SART1: variants seen among roughly 807,000 people sequenced by gnomAD.
SART1 encodes U4/U6.U5 tri-snRNP-associated protein 1.
In SART1, 28 loss-of-function variants were observed where a neutral mutation model predicts 105.0. The observed-to-expected ratio is 0.27, with a 90% CI of 0.20 to 0.37. The LOEUF (loss-of-function observed/expected upper bound fraction) is 0.37, where lower values mean the gene tolerates loss of function less well. Among genes scored for constraint, SART1 ranks in the 10% least tolerant of loss-of-function variants. The pLI, the probability that SART1 is intolerant of heterozygous loss-of-function variation, is 1.00. For synonymous variants in SART1, 472 were observed against 462.9 expected (o/e 1.02, Z -0.25); for missense variants, 894 against 1,106.5 (o/e 0.81, Z 2.72).
rs1855521645 is a variant in SART1, at chr11:65,978,141, C to T, written c.2172+242C>T. The T allele has an allele frequency of 1.8e-6, 1 of 566,570 alleles. No individual in the cohort carries two copies. The highest frequency in any genetic ancestry group is 3.1e-5 in the Admixed American group (1 of 32,524). The allele number at this position is 566,570 out of a possible 1,614,324, so 35.1% of individuals were successfully genotyped here. ...GCCTGGCAGGAGGGTCAGACAGGCA[C>T]TCGGGACCTCTGCCCTCCTGTCCTC... On this transcript the variant is annotated intron_variant, in intron 17 of 19. Transcript: ENST00000312397. This position sits in a 1 kb window ranked among gnomAD's most constrained non-coding sequence, Gnocchi z 6.8.
In SART1 at chr11:65,977,153, G is replaced by A. The variant is rs764778388; in HGVS notation, c.1945+52G>A. The A allele has an allele frequency of 3.7e-6, 5 of 1,369,670 alleles. No individual in the cohort carries two copies. The Admixed American group carries it at 6.8e-5, about 19-fold the overall frequency. The allele number at this position is 1,369,670 out of a possible 1,614,324, so 84.8% of individuals were successfully genotyped here. On this transcript the variant is annotated intron_variant, in intron 15 of 19. Transcript: ENST00000312397. ...TGGGTGGGCTTGGGTGCTGCTGCAG[G>A]TGCAGGCAGGGCCCCCTCCGGTCCC...
intron 1 of SART1, among the ~76,000 whole-genome samples, chr11:65,962,861 C>T (rs1855174963): frequency 6.6e-6 from 1 of 152,004 alleles, no homozygotes; most frequent in East Asian, 1.9e-4. Context: ...GAACTCAGCA[C>T]TTGTATGAGG....
Position 65,963,818 on chromosome 11 carries a change from G to C in SART1, c.314-256G>C, listed in dbSNP as rs1264772853. On this transcript the variant is annotated intron_variant, in intron 1 of 19. Coordinates refer to ENST00000312397, the MANE Select transcript of SART1 (RefSeq NM_005146.5). ...TTAAAAATGAAAGAAAAAAGTAGAG[G>C]GCAGAGTGGTGACTACAGCAGTTTG... Among the ~76,000 whole-genome samples, 4 of 152,186 alleles carry C rather than the reference G, an allele frequency of 2.6e-5. No homozygotes were observed. The East Asian group carries it at 7.7e-4, about 29-fold the overall frequency.
chr11:65,962,130 C>CGGGGGGGGGGGGGGGGGGGGGGG, intron 1 of SART1, 37 bp downstream of exon 1: 1 of 111,092 alleles, frequency 9.0e-6, no homozygotes, highest in Non-Finnish European at 1.6e-5. Flanking sequence ...GCGGGTCGGG[C>CGGGGGGGGGGGGGGGGGGGGGGG]GGGGGTCCCG....
chr11:65,963,078 C>T (rs527665511), intron 1 of SART1, among the ~76,000 whole-genome samples: 51 of 151,962 alleles, frequency 3.4e-4, no homozygotes, highest in Non-Finnish European at 6.0e-4. Flanking sequence ...CATTGGGAGT[C>T]AGTATCTGGG....
At chr11:65,968,098 C>T (rs991089637) in intron 12 of SART1, among the ~76,000 whole-genome samples, 46 of 152,092 alleles carry the variant, frequency 3.0e-4, no homozygotes, top group Middle Eastern at 6.8e-3. Context: ...TACAGGCGCA[C>T]GCCACCAGAC....
In SART1 at chr11:65,964,528, A is replaced by C; in HGVS notation, c.385A>C (p.Lys129Gln). ...TCTTGTTGTCAGCAAACTCCGGGCAAAGTTGGGGCTGAAACCCTTGGAGGT... is the reference window on the plus strand; with the variant it reads ...TCTTGTTGTCAGCAAACTCCGGGCACAGTTGGGGCTGAAACCCTTGGAGGT... ...SIEETNKLRAKLGLKPLEVNA... is the reference protein window; with the variant it reads ...SIEETNKLRAQLGLKPLEVNA... The change falls in exon 3 of 20, where the codon AAG becomes CAG. Residue 129 changes from lysine (K) to glutamine (Q), a missense_variant. This residue lies in a region of SART1 where 712 missense variants were observed against 778.2 expected (regional missense o/e 0.91). Coordinates refer to ENST00000312397, the MANE Select transcript of SART1 (RefSeq NM_005146.5). The C allele has an allele frequency of 6.2e-7, 1 of 1,613,342 alleles. No homozygotes were observed. The highest frequency in any genetic ancestry group is 1.3e-5 in the African/African-American group (1 of 75,000).
At chr11:65,973,982 G>C (rs1246307592) in intron 12 of SART1, among the ~76,000 whole-genome samples, 1 of 152,062 alleles carries the variant, frequency 6.6e-6, no homozygotes, top group Non-Finnish European at 1.5e-5. Flanking sequence ...GATGGGGAGG[G>C]GACACTCAAG....
chr11:65,966,588 A>G, intron 9 of SART1, 32 bp downstream of exon 9: 1 of 1,461,632 alleles, frequency 6.8e-7, no homozygotes, highest in South Asian at 1.4e-5. Context: ...ACTCGGGGTC[A>G]AGATTCTCCC....
chr11:65,971,485 G>A (rs1308215995), intron 12 of SART1, among the ~76,000 whole-genome samples: 13 of 23,906 alleles, frequency 5.4e-4, no homozygotes, highest in East Asian at 3.5e-3. Flanking sequence ...TGGGATTCAT[G>A]AGCTGAGGAG....
Position 65,967,690 on chromosome 11 carries a change from G to C in SART1, c.1441G>C (p.Ala481Pro). The change falls in exon 12 of 20, where the codon GCT becomes CCT. Residue 481 changes from alanine (A) to proline (P), a missense_variant. Around this residue, in one of 2 missense-constraint regions of SART1, gnomAD observed 712 missense variants for 778.2 expected, o/e 0.91. Transcript: ENST00000312397. ...TGTGTTTCCCCCAGAGGAAGGTGGA[G>C]CTCCACCGCCGGGGTCCCCGCAGGT... ...MDISDEEEGG[A>P]PPPGSPQVLE... is the part of the protein sequence containing the mutation. 3.8e-6 allele frequency: 6 copies of C among 1,569,644 alleles called. No homozygotes were observed. Among genetic ancestry groups the C allele is most frequent in the Non-Finnish European group, 4.3e-6 (5 of 1,157,140 alleles).
In SART1 at chr11:65,976,538, T is replaced by C; in HGVS notation, c.1716T>C (p.Ala572=). 1 of 1,608,388 alleles carries C rather than the reference T, an allele frequency of 6.2e-7. No homozygotes were observed. Among genetic ancestry groups the C allele is most frequent in the Non-Finnish European group, 8.5e-7 (1 of 1,176,830 alleles). Residue 572 remains alanine (A), a synonymous_variant, in exon 13 of 20, where the codon GCT becomes GCC. Coordinates refer to ENST00000312397, the MANE Select transcript of SART1 (RefSeq NM_005146.5). This position sits in a 1 kb window ranked among gnomAD's most constrained non-coding sequence, Gnocchi z 5.1. ...TLGEIPTYGL[A]GNREEQEELM... ...GGGAGATCCCCACCTACGGGCTGGC[T>C]GGCAATCGCGAGGAGCAGGAGGAGC... is the stretch of plus-strand genomic sequence containing the variant.
At chr11:65,974,462 C>T (rs556167038) in intron 12 of SART1, among the ~76,000 whole-genome samples, 75 of 151,530 alleles carry the variant, frequency 4.9e-4, no homozygotes, top group African/African-American at 1.8e-3. Context: ...GAGTGGATCA[C>T]TTGAAGCTGG....
chr11:65,962,055 G>C lies in SART1; in HGVS notation c.275G>C (p.Arg92Pro). 1 of 1,494,236 alleles carries C rather than the reference G, an allele frequency of 6.7e-7. No homozygotes were observed. Among genetic ancestry groups the C allele is most frequent in the Non-Finnish European group, 8.9e-7 (1 of 1,129,424 alleles). 92.6% of individuals were successfully genotyped at this position (1,494,236 alleles called of 1,614,324 possible). A position where few individuals can be genotyped will look rare whatever the true frequency, so the allele number is the denominator to read the frequency against. Residue 92 changes from arginine to proline, a missense_variant, in exon 1 of 20, where the codon CGC (arginine) becomes CCC (proline). Transcript: ENST00000312397. ...AGCCAGGCAGAGCCCTCCGAGCGGC[G>C]CGTGAAGCGGGAGAAGCGCGATGAC... ...ERSQAEPSER[R>P]VKREKRDDGY...
intron 1 of SART1, 33 bp downstream of exon 1, chr11:65,962,126 CGGGCGGG>C (rs1855156068): frequency 7.7e-5 from 2 of 25,830 alleles, no homozygotes; most frequent in Non-Finnish European, 1.3e-4. Context: ...GGGGGCGGGT[CGGGCGGG>C]GGTCCCGGAA....
chr11:65,975,082 T>A (rs1855455783), intron 12 of SART1, among the ~76,000 whole-genome samples: 1 of 150,238 alleles, frequency 6.7e-6, no homozygotes, highest in Admixed American at 6.6e-5. Flanking sequence ...AAACAAATGT[T>A]CCTGGATGTC....
At position 65,977,786 on chromosome 11, in the gene SART1, C is replaced by G; in HGVS notation, c.2059C>G (p.Arg687Gly). The change falls in exon 17 of 20, where the codon CGG becomes GGG. Residue 687 changes from arginine to glycine, a missense_variant. By Grantham distance (125) the Arg-to-Gly change is moderately radical. Around this residue, in one of 2 missense-constraint regions of SART1, gnomAD observed 182 missense variants for 328.3 expected, o/e 0.55. Transcript: ENST00000312397. ...DKMAIDDKYS[R>G]REEYRGFTQD... ...CAGGGCCATCGATGACAAGTACAGC[C>G]GGAGGGAGGAATACCGAGGCTTCAC... is the stretch of plus-strand genomic sequence containing the variant. 1 of 1,613,896 alleles carries G rather than the reference C, an allele frequency of 6.2e-7. No individual in the cohort carries two copies. The highest frequency in any genetic ancestry group is 8.5e-7 in the Non-Finnish European group (1 of 1,179,990).
Position 65,980,119 on chromosome 11 carries a change from TA to T in SART1, c.*1097del, listed in dbSNP as rs927991820. On this transcript the variant is annotated 3_prime_UTR_variant, in exon 20 of 20. Transcript: ENST00000312397. ...CAGTCAGACCCTGTCTCAAAAAAAA[TA>T]AAAAAAATTTAAAATAATCTTGGGG... Among the ~76,000 whole-genome samples the T allele has an allele frequency of 2.6e-5, 4 of 151,764 alleles. No individual in the cohort carries two copies. The highest frequency in any genetic ancestry group is 4.8e-5 in the African/African-American group (2 of 41,286).
rs1855284132 is a variant in SART1 at position 65,967,515 on chromosome 11, A to G, written c.1358A>G (p.Glu453Gly). 6.2e-7 allele frequency: 1 copy of G among 1,612,898 alleles called. No homozygotes were observed. The highest frequency in any genetic ancestry group is 1.3e-5 in the African/African-American group (1 of 74,870). ...GRRRVSEVEE[E>G]KEPVPQPLPS... ...CGCCGAGTGTCCGAAGTGGAGGAGG[A>G]GAAGGAGCCTGTGCCTCAGCCCCTG... Residue 453 changes from glutamate to glycine, a missense_variant, in exon 11 of 20, where the codon GAG (glutamate) becomes GGG (glycine). This residue lies in a region of SART1 where 712 missense variants were observed against 778.2 expected (regional missense o/e 0.91). Transcript: ENST00000312397.
Sources: allele counts gnomAD v4.1 joint callset (sites outside exome capture counted in the v4.1 genomes callset), GRCh38; gene constraint gnomAD v4.1.1; regional missense constraint gnomAD v4.1.1; non-coding constraint Gnocchi (gnomAD v3.1); transcripts MANE v1.5; gene names NCBI Gene and HGNC (gene_info 2026-07-23, HGNC 2026-07-21).